The following NUP210 variants were observed in gnomAD, a reference collection of about 807,000 sequenced individuals.
NUP210 encodes nucleoporin 210.
Under a neutral mutation model 196.0 loss-of-function variants are expected in NUP210, and 151 were observed. That is an observed-to-expected ratio of 0.77 (90% CI 0.67 to 0.88). The LOEUF (loss-of-function observed/expected upper bound fraction) is 0.88, where lower values mean the gene tolerates loss of function less well. Among genes scored for constraint, NUP210 ranks in the 40% least tolerant of loss-of-function variants. NUP210 has a pLI of 0.00. For synonymous variants in NUP210, 1,070 were observed against 1,052.7 expected, an observed-to-expected ratio of 1.02 and a Z score of -0.32; for missense variants, 2,314 against 2,493.7, an observed-to-expected ratio of 0.93 and a Z score of 1.53.
intron 34 of NUP210, among the ~76,000 whole-genome samples, chr3:13,322,731 G>A (rs1297002357): frequency 6.6e-6 from 1 of 152,242 alleles, no homozygotes; most frequent in African/African-American, 2.4e-5. Flanking sequence ...TTTAGGCAAC[G>A]GCACAGTGCT....
chr3:13,339,126 T>G (rs529469973), intron 25 of NUP210, among the ~76,000 whole-genome samples: 68 of 152,146 alleles, frequency 4.5e-4, no homozygotes, highest in African/African-American at 1.6e-3. Flanking sequence ...TGACACACAC[T>G]GGGAAAAGGA....
rs1284816261 is a variant in NUP210, at chr3:13,348,195, G to A, written c.2835+3684C>T. Reference sequence around the variant, plus strand: ...TTTAGGATTCAAGAGGGGTTTAAAGGTCTCCTGGGGAAACTTGACTCCCAT... The same window carrying A: ...TTTAGGATTCAAGAGGGGTTTAAAGATCTCCTGGGGAAACTTGACTCCCAT... On this transcript the variant is annotated intron_variant, in intron 20 of 39. Coordinates refer to ENST00000254508, the MANE Select transcript of NUP210 (RefSeq NM_024923.4). This position sits in a 1 kb window ranked among gnomAD's most constrained non-coding sequence, Gnocchi z 4.0. 1.2e-5 allele frequency: 2 copies of A among 163,874 alleles called. No homozygotes were observed. 10.2% of individuals were successfully genotyped at this position (163,874 alleles called of 1,614,324 possible).
At position 13,340,798 on chromosome 3, in the gene NUP210, T is replaced by C. The variant is rs1007548113; in HGVS notation, c.3229-500A>G. Among the ~76,000 whole-genome samples, 2 of 152,012 alleles carry C rather than the reference T, an allele frequency of 1.3e-5. No individual in the cohort carries two copies. The highest frequency in any genetic ancestry group is 1.3e-4 in the Admixed American group (2 of 15,270). On this transcript the variant is annotated intron_variant, in intron 23 of 39. Coordinates refer to ENST00000254508, the MANE Select transcript of NUP210 (RefSeq NM_024923.4). The surrounding 1 kb of genome is among the most constrained non-coding windows in gnomAD (Gnocchi z 4.0). ...TTCTAGCACACCCTCCGGATTAGCC[T>C]GGGAGGAGACCAGGGACGTTGGTGC...
rs1226034075 is a variant in NUP210 at position 13,337,066 on chromosome 3, T to A, written c.3553-148A>T. 4 of 974,166 alleles carry A rather than the reference T, an allele frequency of 4.1e-6. No individual in the cohort carries two copies. In the South Asian group the frequency reaches 6.1e-5, roughly 15 times the overall value. 60.3% of individuals were successfully genotyped at this position (974,166 alleles called of 1,614,324 possible). A position where few individuals can be genotyped will look rare whatever the true frequency, so the allele number is the denominator to read the frequency against. On this transcript the variant is annotated intron_variant, in intron 26 of 39. Coordinates refer to ENST00000254508, the MANE Select transcript of NUP210 (RefSeq NM_024923.4). Reference sequence around the variant, plus strand: ...CATGGCACAGGTTTGGGAATTTTGATGAAATATCAAACGAGCAAACCAGAG... The same window carrying A: ...CATGGCACAGGTTTGGGAATTTTGAAGAAATATCAAACGAGCAAACCAGAG...
chr3:13,341,317 G>A (rs771213722), intron 23 of NUP210, among the ~76,000 whole-genome samples: 5 of 152,164 alleles, frequency 3.3e-5, no homozygotes, highest in Admixed American at 6.5e-5. Context: ...CTCTGCTCAC[G>A]CAGCCCCTGT....
chr3:13,334,474 G>T (rs189881301), intron 28 of NUP210, among the ~76,000 whole-genome samples: 4 of 152,180 alleles, frequency 2.6e-5, no homozygotes, highest in Admixed American at 1.3e-4. Context: ...ATCGGTGGGG[G>T]TTTTTTTGTG....
At chr3:13,419,436 G>C (rs1249556839) in intron 1 of NUP210, among the ~76,000 whole-genome samples, 2 of 152,200 alleles carry the variant, frequency 1.3e-5, no homozygotes, top group Non-Finnish European at 2.9e-5. Flanking sequence ...CAACCCGAGA[G>C]GGAGGGTGAT....
intron 1 of NUP210, among the ~76,000 whole-genome samples, chr3:13,417,749 G>A (rs1016440838): frequency 1.3e-5 from 2 of 152,202 alleles, no homozygotes; most frequent in Non-Finnish European, 1.5e-5. Flanking sequence ...CACATCTGCA[G>A]TCACACATCT....
chr3:13,414,356 C>T (rs1297179531), intron 1 of NUP210, among the ~76,000 whole-genome samples: 1 of 152,266 alleles, frequency 6.6e-6, no homozygotes, highest in African/African-American at 2.4e-5. Flanking sequence ...CCCAAGTCAA[C>T]CCAGGTCCAC....
chr3:13,366,312 AAT>A (rs1305222093), intron 13 of NUP210, among the ~76,000 whole-genome samples: 3 of 151,278 alleles, frequency 2.0e-5, no homozygotes, highest in Non-Finnish European at 4.4e-5. Context: ...TATTTTTTTT[AAT>A]AGAGACGGGG....
intron 25 of NUP210, among the ~76,000 whole-genome samples, chr3:13,338,361 C>A (rs1312122038): frequency 6.6e-6 from 1 of 152,208 alleles, no homozygotes; most frequent in Non-Finnish European, 1.5e-5. Context: ...GAACTTATAA[C>A]CTCCTTCATT....
intron 14 of NUP210, among the ~76,000 whole-genome samples, chr3:13,362,252 T>C (rs1273845776): frequency 6.6e-6 from 1 of 152,196 alleles, no homozygotes; most frequent in African/African-American, 2.4e-5. Context: ...GGAAGGGTCA[T>C]GCTAGCTCTC....
intron 1 of NUP210, among the ~76,000 whole-genome samples, chr3:13,417,603 C>T (rs9832581): frequency 0.22 from 33,662 of 152,116 alleles, 5,845 homozygotes; most frequent in African/African-American, 0.49. Context: ...CAGCAATAGA[C>T]GACTACACTA....
At position 13,420,173 on chromosome 3, in the gene NUP210, C is replaced by T; in HGVS notation, c.54G>A (p.Ala18=). Residue 18 remains alanine, a synonymous_variant, in exon 1 of 40, where the codon GCG becomes GCA. Coordinates refer to ENST00000254508, the MANE Select transcript of NUP210 (RefSeq NM_024923.4). This position sits in a 1 kb window ranked among gnomAD's most constrained non-coding sequence, Gnocchi z 4.8. ...LLLLTLSVLL[A]AGPSAAAAKL... is the part of the protein sequence containing the mutation. The stretch of plus-strand genomic sequence containing the variant: ...TGGCCGCAGCGGCGGAGGGGCCCGC[C>T]GCCAACAGCACCGACAGCGTCAGCA... The T allele has an allele frequency of 7.9e-7, 1 of 1,270,730 alleles. No homozygotes were observed. Among genetic ancestry groups the T allele is most frequent in the Non-Finnish European group, 1.0e-6 (1 of 991,152 alleles). 78.7% of individuals were successfully genotyped at this position (1,270,730 alleles called of 1,614,324 possible).
In NUP210 at chr3:13,401,259, C is replaced by CAAA. The variant is rs71066952; in HGVS notation, c.168-1401_168-1399dup. 7.8e-4 allele frequency among the ~76,000 whole-genome samples: 34 copies of CAAA among 43,826 alleles called. 4 individuals are homozygous for CAAA. Among genetic ancestry groups the CAAA allele is most frequent in the South Asian group, 1.1e-3 (1 of 946 alleles). 28.8% of individuals were successfully genotyped at this position (43,826 alleles called of 152,430 possible). A position where few individuals can be genotyped will look rare whatever the true frequency, so the allele number is the denominator to read the frequency against. On this transcript the variant is annotated intron_variant, in intron 1 of 39. Transcript: ENST00000254508. ...TGGGCAACAGAGTGAGACTCTGGCTCAAAAAAAAAAAAAAAAAAAAAGGCA... is the reference window on the plus strand; with the variant it reads ...TGGGCAACAGAGTGAGACTCTGGCTCAAAAAAAAAAAAAAAAAAAAAAAAGGCA...
chr3:13,359,108 C>G (rs951432839), intron 15 of NUP210, among the ~76,000 whole-genome samples: 6 of 152,210 alleles, frequency 3.9e-5, no homozygotes, highest in Non-Finnish European at 7.3e-5. Context: ...GCCCCTACCC[C>G]TCCTGACCAT....
intron 1 of NUP210, among the ~76,000 whole-genome samples, chr3:13,401,355 C>T (rs1699834154): frequency 6.6e-6 from 1 of 151,642 alleles, no homozygotes; most frequent in Non-Finnish European, 1.5e-5. Flanking sequence ...CTGGGCCAAG[C>T]CAGCACAAGG....
At chr3:13,394,417 G>A (rs7641698) in intron 3 of NUP210, among the ~76,000 whole-genome samples, 88,743 of 152,186 alleles carry the variant, frequency 0.58, 27,222 homozygotes, top group African/African-American at 0.78. Flanking sequence ...GTCTGGAGGC[G>A]GGCACTCTGC....
At chr3:13,375,145 T>TA (rs943186002) in intron 11 of NUP210, among the ~76,000 whole-genome samples, 4 of 151,104 alleles carry the variant, frequency 2.6e-5, no homozygotes, top group African/African-American at 9.7e-5. Flanking sequence ...TTTTTCTCTT[T>TA]TTTTTTTTTT....
Sources: allele counts gnomAD v4.1 joint callset (sites outside exome capture counted in the v4.1 genomes callset), GRCh38; gene constraint gnomAD v4.1.1; non-coding constraint Gnocchi (gnomAD v3.1); transcripts MANE v1.5; gene names NCBI Gene and HGNC (gene_info 2026-07-23, HGNC 2026-07-21).